SLC39A11: variants seen among roughly 807,000 people sequenced by gnomAD.
The protein encoded by SLC39A11 is solute carrier family 39 member 11, also known as zinc transporter ZIP11.
In SLC39A11, 33 loss-of-function variants were observed where a neutral mutation model predicts 36.1. The ratio of observed to expected loss-of-function variants is 0.91; its 90% confidence interval spans 0.69 to 1.22. The LOEUF is 1.22. SLC39A11 is among the 50% of genes most tolerant of loss of function. The probability of loss-of-function intolerance (pLI) is 0.00; values close to 1 mark genes in which losing one functional copy is unlikely to be tolerated. For missense variants in SLC39A11, 432 were observed against 430.3 expected (o/e 1.00, Z -0.03); for synonymous variants, 166 against 170.3 (o/e 0.97, Z 0.20).
intron 5 of SLC39A11, among the ~76,000 whole-genome samples, chr17:72,915,130 T>C (rs894852798): frequency 2.6e-5 from 4 of 152,170 alleles, no homozygotes; most frequent in African/African-American, 9.7e-5. Context: ...GTATTAATCA[T>C]GTTACAGACC....
intron 5 of SLC39A11, among the ~76,000 whole-genome samples, chr17:72,860,915 G>C (rs1411980970): frequency 6.6e-6 from 1 of 152,130 alleles, no homozygotes. Context: ...TGCCAAACGA[G>C]GGTAATAGTA....
At chr17:72,690,544 G>C (rs2144418448) in intron 7 of SLC39A11, among the ~76,000 whole-genome samples, 1 of 152,352 alleles carries the variant, frequency 6.6e-6, no homozygotes, top group South Asian at 2.1e-4. Context: ...TCACCAAAAG[G>C]TGGAAACCAC....
intron 6 of SLC39A11, among the ~76,000 whole-genome samples, chr17:72,775,610 G>A (rs890273728): frequency 1.3e-5 from 2 of 152,292 alleles, no homozygotes; most frequent in South Asian, 4.2e-4. Flanking sequence ...AGATTATTCA[G>A]GAGCAGCTGC....
chr17:72,749,198 C>T (rs2075055957), intron 6 of SLC39A11, among the ~76,000 whole-genome samples: 1 of 152,148 alleles, frequency 6.6e-6, no homozygotes, highest in African/African-American at 2.4e-5. Flanking sequence ...ATCATGAAAT[C>T]CCTGTGCCCT....
intron 4 of SLC39A11, among the ~76,000 whole-genome samples, chr17:72,958,124 T>C (rs117221475): frequency 0.048 from 7,311 of 152,306 alleles, 200 homozygotes; most frequent in Non-Finnish European, 0.063. Context: ...GAAAGGACAC[T>C]CTTTTTAACA....
At chr17:72,649,613 C>T (rs3924957) in intron 7 of SLC39A11, among the ~76,000 whole-genome samples, 14,558 of 151,776 alleles carry the variant, frequency 0.096, 816 homozygotes, top group East Asian at 0.16. Flanking sequence ...TTACTTTCTA[C>T]GCCTCTGTTT....
At chr17:72,722,717 C>A (rs1357107727) in intron 7 of SLC39A11, among the ~76,000 whole-genome samples, 2 of 150,934 alleles carry the variant, frequency 1.3e-5, no homozygotes, top group Non-Finnish European at 2.9e-5. Context: ...TCACTGCAAC[C>A]TCCGCCTCCC....
chr17:73,003,811 T>C (rs1432449966), intron 4 of SLC39A11, among the ~76,000 whole-genome samples: 1 of 152,018 alleles, frequency 6.6e-6, no homozygotes, highest in Non-Finnish European at 1.5e-5. Flanking sequence ...ACAGGCCAGG[T>C]ACGGTGGCTC....
At chr17:72,990,860 C>T (rs1454603188) in intron 4 of SLC39A11, among the ~76,000 whole-genome samples, 1 of 152,138 alleles carries the variant, frequency 6.6e-6, no homozygotes, top group Non-Finnish European at 1.5e-5. Flanking sequence ...AGACCAGGGA[C>T]CATTACTGTT....
At chr17:72,875,834 C>T (rs191680319) in intron 5 of SLC39A11, among the ~76,000 whole-genome samples, 7 of 152,260 alleles carry the variant, frequency 4.6e-5, no homozygotes, top group Admixed American at 4.6e-4. Context: ...TGAGGACTAG[C>T]TAAAACAGGG....
At chr17:72,681,059 C>G (rs1410955962) in intron 7 of SLC39A11, among the ~76,000 whole-genome samples, 1 of 152,174 alleles carries the variant, frequency 6.6e-6, no homozygotes, top group African/African-American at 2.4e-5. Flanking sequence ...TTTCCTGACT[C>G]AGCCTCATGA....
At chr17:73,052,038 G>C (rs2059522113) in intron 3 of SLC39A11, among the ~76,000 whole-genome samples, 2 of 152,046 alleles carry the variant, frequency 1.3e-5, no homozygotes, top group South Asian at 4.1e-4. Context: ...GCTCCATCAA[G>C]TGGTCGTGAA....
rs753554406 is a variant in SLC39A11, at chr17:73,088,701, T to C, written c.64A>G (p.Thr22Ala). 3.7e-6 allele frequency: 6 copies of C among 1,612,810 alleles called. No homozygotes were observed. The South Asian group carries it at 6.6e-5, about 18-fold the overall frequency. ...LLGTFFTWGM[T>A]AAGAALVFVF... ...AACACGAGAGCTGCCCCAGCTGCTG[T>C]CATCCCCCAGGTGAAGAAGGTCCCC... is the stretch of plus-strand genomic sequence containing the variant. The change falls in exon 2 of 10, where the codon ACA (threonine) becomes GCA (alanine). Residue 22 changes from threonine to alanine, a missense_variant. Thr to Ala is a moderately conservative substitution (Grantham distance 58). Coordinates refer to ENST00000255559, the MANE Select transcript of SLC39A11 (RefSeq NM_139177.4).
intron 6 of SLC39A11, among the ~76,000 whole-genome samples, chr17:72,758,535 T>A (rs1219702833): frequency 6.6e-6 from 1 of 152,116 alleles, no homozygotes; most frequent in Non-Finnish European, 1.5e-5. Context: ...CAGTTAAGGG[T>A]TTCCTGGAAA....
chr17:72,990,478 C>T (rs982692598), intron 4 of SLC39A11, among the ~76,000 whole-genome samples: 7 of 152,128 alleles, frequency 4.6e-5, no homozygotes, highest in South Asian at 2.1e-4. Flanking sequence ...AGTGTAGTGG[C>T]GTGATCTCGA....
intron 4 of SLC39A11, among the ~76,000 whole-genome samples, 153 bp from the exon 5 acceptor site, chr17:72,948,028 C>T (rs1002488263): frequency 6.6e-6 from 1 of 152,192 alleles, no homozygotes; most frequent in Non-Finnish European, 1.5e-5. Context: ...CCAGGCCATG[C>T]TGGGTCTTCA....
chr17:72,798,269 C>G (rs2076962096), intron 6 of SLC39A11, among the ~76,000 whole-genome samples: 1 of 150,804 alleles, frequency 6.6e-6, no homozygotes, highest in Non-Finnish European at 1.5e-5. Flanking sequence ...TAGAGCGGTT[C>G]TGGAGGCTGG....
chr17:73,088,779 T>C lies in SLC39A11; in HGVS notation c.-11-4A>G, dbSNP rs1206785397. On this transcript the variant is annotated splice_region_variant and splice_polypyrimidine_tract_variant and intron_variant, in intron 1 of 9. Coordinates refer to ENST00000255559, the MANE Select transcript of SLC39A11 (RefSeq NM_139177.4). ...CCTTGGAGCATGCTGGATACAGCTG[T>C]GCAAGAGGAGCGAGAGGGTCAGCCA... 11 of 1,587,182 alleles carry C rather than the reference T, an allele frequency of 6.9e-6. No homozygotes were observed. Among genetic ancestry groups the C allele is most frequent in the Non-Finnish European group, 7.7e-6 (9 of 1,166,038 alleles).
At chr17:72,977,837 G>A (rs750724879) in intron 4 of SLC39A11, among the ~76,000 whole-genome samples, 3 of 152,130 alleles carry the variant, frequency 2.0e-5, no homozygotes, top group Admixed American at 6.5e-5. Flanking sequence ...GTAAAGTACC[G>A]AGGTGGCCTG....
Sources: gnomAD v4.1 joint callset for allele counts (sites outside exome capture counted in the v4.1 genomes callset) on GRCh38, gnomAD v4.1.1 for gene constraint, MANE v1.5 for transcripts, NCBI Gene and HGNC (gene_info 2026-07-23, HGNC 2026-07-21) for gene names.